Variants in GAL3ST1 observed in about 807,000 individuals in gnomAD.
The protein encoded by GAL3ST1 is galactosylceramide sulfotransferase.
In GAL3ST1, 13 loss-of-function variants were observed where a neutral mutation model predicts 25.0. The observed-to-expected ratio is 0.52, with a 90% confidence interval of 0.34 to 0.83. GAL3ST1 has a LOEUF of 0.83. GAL3ST1 is among the 40% of genes least tolerant of loss of function. The pLI is 0.02. For missense variants in GAL3ST1, 474 were observed against 613.6 expected (o/e 0.77, Z 2.40); for synonymous variants, 274 against 277.8 (o/e 0.99, Z 0.14).
At chr22:30,563,615 C>G (rs2412992) in intron 1 of GAL3ST1, among the ~76,000 whole-genome samples, 3 of 151,676 alleles carry the variant, frequency 2.0e-5, no homozygotes, top group African/African-American at 7.3e-5. Context: ...GACCCTATCT[C>G]AAAAAAATTA....
intron 1 of GAL3ST1, among the ~76,000 whole-genome samples, chr22:30,559,073 G>A (rs921157894): frequency 1.3e-5 from 2 of 151,648 alleles, no homozygotes; most frequent in African/African-American, 2.4e-5. Context: ...TAGAAGAATC[G>A]CTTGAACCCA....
rs148849932 is a variant in GAL3ST1 at position 30,557,378 on chromosome 22, C to T, written c.15G>A (p.Gln5=). 1.1e-5 allele frequency: 18 copies of T among 1,614,126 alleles called. No individual in the cohort carries two copies. The highest frequency in any genetic ancestry group is 1.5e-5 in the Non-Finnish European group (18 of 1,180,040). MLPP[Q]KKPWESMAKG... ...TAGCCATGGACTCCCAGGGCTTCTT[C>T]TGCGGTGGCAGCATCTCAGACACCT... The change falls in exon 3 of 4, where the codon CAG becomes CAA. Residue 5 remains glutamine (Q), a synonymous_variant. Coordinates refer to ENST00000406361, the MANE Select transcript of GAL3ST1 (RefSeq NM_001318104.2).
chr22:30,568,683 T>C (rs1488867583), intron 1 of GAL3ST1, among the ~76,000 whole-genome samples: 1 of 152,140 alleles, frequency 6.6e-6, no homozygotes, highest in Admixed American at 6.5e-5. Flanking sequence ...AGAAACAAAC[T>C]TTCCACCTGG....
intron 1 of GAL3ST1, among the ~76,000 whole-genome samples, chr22:30,566,766 T>C (rs566748140): frequency 2.6e-5 from 4 of 151,978 alleles, no homozygotes; most frequent in East Asian, 3.9e-4. Context: ...CCCTCCACCA[T>C]GCTCGGCTAA....
Position 30,557,298 on chromosome 22 carries a change from T to A in GAL3ST1, c.95A>T (p.Tyr32Phe). Residue 32 changes from tyrosine (Y) to phenylalanine (F), a missense_variant, in exon 3 of 4, where the codon TAT becomes TTT. Around this residue, in one of 2 missense-constraint regions of GAL3ST1, gnomAD observed 115 missense variants for 109.2 expected, o/e 1.05. Coordinates refer to ENST00000406361, the MANE Select transcript of GAL3ST1 (RefSeq NM_001318104.2). Reference protein sequence around the residue: ...FTSFLLLVYSYAVPPLHAGLA... With the variant: ...FTSFLLLVYSFAVPPLHAGLA... ...GCCGGCATGCAGCGGGGGCACGGCA[T>A]AGGAGTACACCAGCAGCAGGAAACT... The A allele has an allele frequency of 6.2e-7, 1 of 1,614,132 alleles. No individual in the cohort carries two copies. Among genetic ancestry groups the A allele is most frequent in the Non-Finnish European group, 8.5e-7 (1 of 1,179,982 alleles).
chr22:30,559,756 G>A (rs1049887480), intron 1 of GAL3ST1, among the ~76,000 whole-genome samples: 2 of 152,098 alleles, frequency 1.3e-5, no homozygotes, highest in African/African-American at 2.4e-5. Context: ...GGACTGTAAC[G>A]GGGGCAGTTC....
chr22:30,557,317 GGAAACTAGTGAA>G lies in GAL3ST1; in HGVS notation c.64_75del (p.Phe22_Phe25del). ...ACGGCATAGGAGTACACCAGCAGCAGGAAACTAGTGAAGAGCGCGCCCAGCACCAGCCCCTTA... is the reference window on the plus strand; with the variant it reads ...ACGGCATAGGAGTACACCAGCAGCAGGAGCGCGCCCAGCACCAGCCCCTTA... On this transcript the variant is annotated inframe_deletion, in exon 3 of 4. Coordinates refer to ENST00000406361, the MANE Select transcript of GAL3ST1 (RefSeq NM_001318104.2). 1.2e-6 allele frequency: 2 copies of G among 1,614,230 alleles called. No homozygotes were observed. Among genetic ancestry groups the G allele is most frequent in the South Asian group, 2.2e-5 (2 of 91,084 alleles).
intron 1 of GAL3ST1, chr22:30,572,610 A>T (rs1912845460): frequency 6.6e-6 from 1 of 152,174 alleles, no homozygotes; most frequent in Non-Finnish European, 1.5e-5. Context: ...TACCATCCCC[A>T]TCCAAGGAGC....
intron 1 of GAL3ST1, among the ~76,000 whole-genome samples, chr22:30,559,206 G>A (rs2086225798): frequency 6.6e-6 from 1 of 152,054 alleles, no homozygotes; most frequent in African/African-American, 2.4e-5. Flanking sequence ...TGTCCTGGAG[G>A]TTTTGTTGTT....
At chr22:30,571,852 A>G (rs900571738) in intron 1 of GAL3ST1, among the ~76,000 whole-genome samples, 2 of 152,192 alleles carry the variant, frequency 1.3e-5, no homozygotes, top group Admixed American at 1.3e-4. Flanking sequence ...TGACAGAGCA[A>G]GACTCCGTCT....
At chr22:30,573,703 G>A (rs1261812097) in intron 1 of GAL3ST1, among the ~76,000 whole-genome samples, 1 of 152,244 alleles carries the variant, frequency 6.6e-6, no homozygotes. Context: ...CCCTGGTGTG[G>A]GTTACAGCAG....
intron 1 of GAL3ST1, among the ~76,000 whole-genome samples, chr22:30,572,102 C>T (rs907113147): frequency 1.3e-5 from 2 of 152,122 alleles, no homozygotes; most frequent in African/African-American, 2.4e-5. Context: ...CTAACTGGGG[C>T]GTTGCAAGTC....
At chr22:30,569,230 G>T (rs975762673) in intron 1 of GAL3ST1, among the ~76,000 whole-genome samples, 26 of 152,232 alleles carry the variant, frequency 1.7e-4, no homozygotes, top group Admixed American at 2.6e-4. Flanking sequence ...TACTGGGTAA[G>T]AAATGAACTG....
rs1025005275 is a variant in GAL3ST1, at chr22:30,555,013, G to A, written c.1212C>T (p.Leu404=). 5.0e-6 allele frequency: 8 copies of A among 1,601,330 alleles called. No individual in the cohort carries two copies. The highest frequency in any genetic ancestry group is 6.8e-6 in the Non-Finnish European group (8 of 1,170,920). Residue 404 remains leucine (L), a synonymous_variant, in exon 4 of 4, where the codon CTC becomes CTT. Transcript: ENST00000406361. This position sits in a 1 kb window ranked among gnomAD's most constrained non-coding sequence, Gnocchi z 8.6. ...LTPEIQYLMD[L]GANLWVTKLW... The stretch of plus-strand genomic sequence containing the variant: ...GCTTGGTGACCCACAGGTTGGCGCC[G>A]AGGTCCATCAGGTACTGGATCTCGG...
intron 1 of GAL3ST1, among the ~76,000 whole-genome samples, chr22:30,564,227 T>C (rs1392872332): frequency 6.6e-6 from 1 of 152,136 alleles, no homozygotes; most frequent in Non-Finnish European, 1.5e-5. Context: ...CCTGCCATCA[T>C]TGTTATCATC....
intron 1 of GAL3ST1, among the ~76,000 whole-genome samples, chr22:30,562,207 A>G (rs1031925615): frequency 6.6e-6 from 1 of 152,094 alleles, no homozygotes; most frequent in Admixed American, 6.5e-5. Context: ...ATGCACCACC[A>G]TGCCTGGCTA....
intron 1 of GAL3ST1, among the ~76,000 whole-genome samples, chr22:30,572,106 G>C (rs2086801571): frequency 2.0e-5 from 3 of 152,294 alleles, no homozygotes; most frequent in Admixed American, 2.0e-4. Flanking sequence ...CTGGGGCGTT[G>C]CAAGTCACAG....
chr22:30,559,072 C>T (rs1052631685), intron 1 of GAL3ST1, among the ~76,000 whole-genome samples: 10 of 151,722 alleles, frequency 6.6e-5, no homozygotes, highest in East Asian at 5.9e-4. Flanking sequence ...GTAGAAGAAT[C>T]GCTTGAACCC....
chr22:30,561,899 TCTC>T (rs2146387663), intron 1 of GAL3ST1, among the ~76,000 whole-genome samples: 1 of 152,096 alleles, frequency 6.6e-6, no homozygotes, highest in South Asian at 2.1e-4. Flanking sequence ...TAAGCCTCAG[TCTC>T]CTCGTGTGTG....
Sources: allele counts gnomAD v4.1 joint callset (sites outside exome capture counted in the v4.1 genomes callset), GRCh38; gene constraint gnomAD v4.1.1; regional missense constraint gnomAD v4.1.1; non-coding constraint Gnocchi (gnomAD v3.1); transcripts MANE v1.5; gene names NCBI Gene and HGNC (gene_info 2026-07-23, HGNC 2026-07-21).